The following PCDH9 variants were observed in gnomAD, a reference collection of about 807,000 sequenced individuals.
PCDH9 encodes the protein protocadherin-9.
A neutral mutation model predicts 70.6 loss-of-function variants in PCDH9; 24 were observed. That is an observed-to-expected ratio of 0.34 (90% CI 0.25 to 0.48). PCDH9 has a LOEUF of 0.48. Among genes scored for constraint, PCDH9 ranks in the 20% least tolerant of loss-of-function variants. The pLI, the probability that PCDH9 is intolerant of heterozygous loss-of-function variation, is 0.99. For missense variants in PCDH9, 1,281 were observed against 1,503.6 expected (o/e 0.85, Z 2.45); for synonymous variants, 562 against 558.5 (o/e 1.01, Z -0.09).
intron 3 of PCDH9, among the ~76,000 whole-genome samples, chr13:66,647,851 A>G (rs1398553237): frequency 6.6e-6 from 1 of 151,732 alleles, no homozygotes; most frequent in Non-Finnish European, 1.5e-5. Context: ...TCTCATACTC[A>G]CGAGCATTCA....
rs938187633 is a variant in PCDH9 at position 66,937,828 on chromosome 13, T to C, written c.3037-34223A>G. On this transcript the variant is annotated intron_variant, in intron 2 of 4. Coordinates refer to ENST00000377865, the MANE Select transcript of PCDH9 (RefSeq NM_203487.3). ...CCTGTGCATCACTTTACCTTTTTTTTTTTTGTCTATAAATTTGTTCTGACC... is the reference window on the plus strand; with the variant it reads ...CCTGTGCATCACTTTACCTTTTTTTCTTTTGTCTATAAATTTGTTCTGACC... Among the ~76,000 whole-genome samples the C allele has an allele frequency of 2.9e-3, 441 of 152,238 alleles. 1 individual carries two copies. The highest frequency in any genetic ancestry group is 0.01 in the African/African-American group (424 of 41,520).
At chr13:67,222,403 T>G (rs1047360147) in intron 2 of PCDH9, 2 of 151,970 alleles carry the variant, frequency 1.3e-5, no homozygotes, top group Non-Finnish European at 2.9e-5. Context: ...ATAGAGTGAA[T>G]GAGGAATATG....
intron 4 of PCDH9, among the ~76,000 whole-genome samples, chr13:66,459,730 T>A (rs896583285): frequency 6.6e-6 from 1 of 152,030 alleles, no homozygotes; most frequent in Non-Finnish European, 1.5e-5. Context: ...TCGCATGCTT[T>A]AAGCTATGCA....
At chr13:66,630,832 A>T (rs1447440669) in intron 4 of PCDH9, 1 of 156,304 alleles carries the variant, frequency 6.4e-6, no homozygotes, top group Non-Finnish European at 1.4e-5. Flanking sequence ...TTCATAGGAC[A>T]TTTATATATG....
At chr13:66,696,066 A>T (rs538506904) in intron 3 of PCDH9, among the ~76,000 whole-genome samples, 1 of 152,270 alleles carries the variant, frequency 6.6e-6, no homozygotes, top group African/African-American at 2.4e-5. Flanking sequence ...TCTTTATTAC[A>T]TTGAAAATTA....
At chr13:67,171,890 AT>A (rs1361807140) in intron 2 of PCDH9, among the ~76,000 whole-genome samples, 1 of 152,168 alleles carries the variant, frequency 6.6e-6, no homozygotes, top group African/African-American at 2.4e-5. Context: ...GGTGTCATTT[AT>A]TTCCCTAAAG....
intron 4 of PCDH9, among the ~76,000 whole-genome samples, chr13:66,577,040 GA>G (rs1283472647): frequency 1.3e-5 from 2 of 151,744 alleles, no homozygotes; most frequent in African/African-American, 4.8e-5. Context: ...AAATCTCATG[GA>G]AAAAGTAATT....
chr13:67,136,545 A>G lies in PCDH9; in HGVS notation c.3036+88860T>C, dbSNP rs1184603925. Among the ~76,000 whole-genome samples, 7 of 152,218 alleles carry G rather than the reference A, an allele frequency of 4.6e-5. No individual in the cohort carries two copies. The South Asian group carries it at 1.4e-3, about 32-fold the overall frequency. On this transcript the variant is annotated intron_variant, in intron 2 of 4. Coordinates refer to ENST00000377865, the MANE Select transcript of PCDH9 (RefSeq NM_203487.3). The stretch of plus-strand genomic sequence containing the variant: ...AAAGTAAGAAAATTTGGGAGAGTTT[A>G]TACTTTGAGAATTCAATATGCTGTA...
chr13:66,922,512 T>C (rs912316990), intron 2 of PCDH9, among the ~76,000 whole-genome samples: 1 of 151,220 alleles, frequency 6.6e-6, no homozygotes, highest in Non-Finnish European at 1.5e-5. Flanking sequence ...TGTGTAGGAG[T>C]AAAGTAATAG....
chr13:66,958,012 C>T (rs1046527303), intron 2 of PCDH9, among the ~76,000 whole-genome samples: 1 of 151,968 alleles, frequency 6.6e-6, no homozygotes, highest in South Asian at 2.1e-4. Context: ...GTTTATTTCA[C>T]CTAACTGGAG....
intron 4 of PCDH9, among the ~76,000 whole-genome samples, chr13:66,380,856 T>A (rs1032985670): frequency 1.3e-5 from 2 of 152,156 alleles, no homozygotes; most frequent in Non-Finnish European, 2.9e-5. Context: ...CTTGGTTGTT[T>A]AAAGAGAGAA....
chr13:67,212,697 T>C (rs1593629273), intron 2 of PCDH9: 1 of 152,096 alleles, frequency 6.6e-6, no homozygotes, highest in East Asian at 1.9e-4. Flanking sequence ...AAATAGAATA[T>C]CGTTCAGTAG....
Position 66,425,113 on chromosome 13 carries a change from A to G in PCDH9, c.3341-120085T>C, listed in dbSNP as rs577575746. Among the ~76,000 whole-genome samples, 9 of 151,990 alleles carry G rather than the reference A, an allele frequency of 5.9e-5. No individual in the cohort carries two copies. In the East Asian group the frequency reaches 9.6e-4, roughly 16 times the overall value. On this transcript the variant is annotated intron_variant, in intron 4 of 4. Coordinates refer to ENST00000377865, the MANE Select transcript of PCDH9 (RefSeq NM_203487.3). ...AAAATTATATTATGTTCATCATTTT[A>G]TGACACTTTCTGTTGCACACAAAAG...
At chr13:66,765,652 G>T (rs1053137342) in intron 3 of PCDH9, among the ~76,000 whole-genome samples, 1 of 152,040 alleles carries the variant, frequency 6.6e-6, no homozygotes, top group Non-Finnish European at 1.5e-5. Flanking sequence ...AGCATAATTT[G>T]TTAGGAATAC....
chr13:66,649,138 A>G (rs2077814523), intron 3 of PCDH9, among the ~76,000 whole-genome samples: 1 of 152,164 alleles, frequency 6.6e-6, no homozygotes, highest in African/African-American at 2.4e-5. Context: ...GGAGAAGGTT[A>G]TTCAAAGGGA....
At chr13:66,885,702 G>C (rs534208187) in intron 3 of PCDH9, among the ~76,000 whole-genome samples, 1 of 151,900 alleles carries the variant, frequency 6.6e-6, no homozygotes, top group African/African-American at 2.4e-5. Flanking sequence ...TCTCCTACTT[G>C]GTAAAACTTA....
At chr13:67,034,505 A>C (rs934061527) in intron 2 of PCDH9, among the ~76,000 whole-genome samples, 3 of 152,178 alleles carry the variant, frequency 2.0e-5, no homozygotes, top group African/African-American at 7.2e-5. Context: ...CTAATGATGA[A>C]TAAATAAAAA....
chr13:67,123,946 C>A (rs962416371), intron 2 of PCDH9, among the ~76,000 whole-genome samples: 42 of 151,990 alleles, frequency 2.8e-4, no homozygotes, highest in African/African-American at 9.2e-4. Context: ...TCTTCCCAAA[C>A]AGTATCTTAA....
chr13:67,040,682 G>A (rs1290281122), intron 2 of PCDH9, among the ~76,000 whole-genome samples: 1 of 151,596 alleles, frequency 6.6e-6, no homozygotes, highest in African/African-American at 2.4e-5. Context: ...ATGACATTTA[G>A]GTTAAAAAAA....
Sources: gnomAD v4.1 joint callset for allele counts (sites outside exome capture counted in the v4.1 genomes callset) on GRCh38, gnomAD v4.1.1 for gene constraint, MANE v1.5 for transcripts, NCBI Gene and HGNC (gene_info 2026-07-23, HGNC 2026-07-21) for gene names.